Variants in PDXDC1 observed in about 807,000 individuals in gnomAD.
The protein encoded by PDXDC1 is pyridoxal dependent decarboxylase domain containing 1, also known as pyridoxal-dependent decarboxylase domain-containing protein 1.
In PDXDC1, 42 loss-of-function variants were observed where a neutral mutation model predicts 100.1. The observed-to-expected ratio is 0.42, with a 90% CI of 0.33 to 0.54. PDXDC1 has a LOEUF of 0.54. PDXDC1 is among the 20% of genes least tolerant of loss of function. The probability of loss-of-function intolerance (pLI) is 0.10; values close to 1 mark genes in which losing one functional copy is unlikely to be tolerated. For synonymous variants in PDXDC1, 260 were observed against 371.7 expected (o/e 0.70, Z 3.46); for missense variants, 636 against 979.2 (o/e 0.65, Z 4.68).
At chr16:15,125,477 G>A (rs563374254) in intron 16 of PDXDC1, 34 of 1,024,146 alleles carry the variant, frequency 3.3e-5, no homozygotes, top group South Asian at 1.1e-4. Flanking sequence ...GCAAGGACAC[G>A]CAGCCCGCAC....
At chr16:14,987,498 AG>A (rs1462746307) in intron 1 of PDXDC1, among the ~76,000 whole-genome samples, 1 of 152,306 alleles carries the variant, frequency 6.6e-6, no homozygotes, top group Non-Finnish European at 1.5e-5. Context: ...AGTAATTATA[AG>A]GATCATAAAT....
At position 15,034,468 on chromosome 16, in the gene PDXDC1, G is replaced by A; in HGVS notation, c.1917G>A (p.Arg639=). The change falls in exon 21 of 23, where the codon CGG becomes CGA. Residue 639 remains arginine (R), a synonymous_variant. Coordinates refer to ENST00000396410, the MANE Select transcript of PDXDC1 (RefSeq NM_015027.4). The stretch of plus-strand genomic sequence containing the variant: ...GTCCTGTCTTGCAGGGGGTGTTGCG[G>A]CAGATCCCTGTAGTGGGCTCCGTGC... ...EERLLEEGVL[R]QIPVVGSVLN... 1 of 1,614,118 alleles carries A rather than the reference G, an allele frequency of 6.2e-7. No homozygotes were observed. Among genetic ancestry groups the A allele is most frequent in the Non-Finnish European group, 8.5e-7 (1 of 1,179,994 alleles).
At chr16:15,020,975 A>AAACAGAC (rs370903249) in intron 12 of PDXDC1, among the ~76,000 whole-genome samples, 1 of 145,840 alleles carries the variant, frequency 6.9e-6, no homozygotes, top group African/African-American at 2.5e-5. Flanking sequence ...GCACCATCTA[A>AAACAGAC]ACACACACAC....
intron 4 of PDXDC1, among the ~76,000 whole-genome samples, chr16:15,003,366 A>G (rs1400437917): frequency 6.6e-6 from 1 of 152,188 alleles, no homozygotes; most frequent in Non-Finnish European, 1.5e-5. Context: ...ACAGGTGCCC[A>G]CCACCAGGCC....
chr16:15,110,079 A>G (rs1456219998), intron 16 of PDXDC1, among the ~76,000 whole-genome samples: 1 of 149,350 alleles, frequency 6.7e-6, no homozygotes, highest in Non-Finnish European at 1.5e-5. Flanking sequence ...GCTTGAACCC[A>G]AAAGACAGTG....
chr16:15,036,460 T>G lies in PDXDC1; in HGVS notation c.*185T>G. On this transcript the variant is annotated 3_prime_UTR_variant, in exon 23 of 23. Coordinates refer to ENST00000396410, the MANE Select transcript of PDXDC1 (RefSeq NM_015027.4). ...AGGGGAGTCAGCTTGTCTAACTTCA[T>G]GTACATGTAGAACCACGTTTGCTGT... The G allele has an allele frequency of 1.9e-6, 1 of 532,310 alleles. No homozygotes were observed. The highest frequency in any genetic ancestry group is 2.2e-5 in the South Asian group (1 of 45,622). 33.0% of individuals were successfully genotyped at this position (532,310 alleles called of 1,614,324 possible). A position where few individuals can be genotyped will look rare whatever the true frequency, so the allele number is the denominator to read the frequency against.
chr16:15,032,009 TCA>T, intron 17 of PDXDC1, 103 bp downstream of exon 17: 2 of 1,029,420 alleles, frequency 1.9e-6, no homozygotes, highest in Non-Finnish European at 2.9e-6. Flanking sequence ...GAACGTGTAG[TCA>T]CAATATGCTT....
At chr16:15,061,970 C>A in intron 16 of PDXDC1, 1 of 1,475,160 alleles carries the variant, frequency 6.8e-7, no homozygotes, top group Non-Finnish European at 9.4e-7. Flanking sequence ...TCAACAATTC[C>A]TTCCTCAGGA....
At chr16:15,142,169 G>C (rs531494063), downstream of PDXDC1, among the ~76,000 whole-genome samples, 3 of 152,272 alleles carry the variant, frequency 2.0e-5, no homozygotes, top group African/African-American at 7.2e-5. Context: ...AATCCATCAA[G>C]AGTGGCTGCT....
chr16:15,114,927 A>AAAAAAT (rs1491304857), intron 16 of PDXDC1, among the ~76,000 whole-genome samples: 1 of 52,440 alleles, frequency 1.9e-5, no homozygotes, highest in Non-Finnish European at 4.7e-5. Flanking sequence ...AAAAAAAAAA[A>AAAAAAT]TTTTTTTTTT....
At chr16:15,049,142 C>G (rs1410229534) in intron 16 of PDXDC1, among the ~76,000 whole-genome samples, 1 of 151,320 alleles carries the variant, frequency 6.6e-6, no homozygotes. Context: ...AATCCACCCA[C>G]CCTGGCCTCC....
intron 16 of PDXDC1, chr16:15,127,718 A>C: frequency 1.3e-6 from 2 of 1,506,208 alleles, no homozygotes; most frequent in South Asian, 2.4e-5. Flanking sequence ...GCCCCGTACC[A>C]CACGGCGTTG....
chr16:15,074,725 T>C (rs2045377126), intron 16 of PDXDC1: 8 of 1,611,266 alleles, frequency 5.0e-6, no homozygotes, highest in East Asian at 2.2e-5. Flanking sequence ...TGATTTACCA[T>C]CTACATAGCA....
At chr16:14,978,600 G>A (rs1171634692) in intron 1 of PDXDC1, among the ~76,000 whole-genome samples, 14 of 152,384 alleles carry the variant, frequency 9.2e-5, no homozygotes, top group African/African-American at 3.4e-4. Flanking sequence ...TCACTATATT[G>A]CCCAGGCTGG....
intron 16 of PDXDC1, chr16:15,061,757 G>C: frequency 6.2e-7 from 1 of 1,612,930 alleles, no homozygotes; most frequent in Non-Finnish European, 8.5e-7. Context: ...GAGGGGACTG[G>C]GTTGCATGTA....
chr16:15,031,408 C>A (rs1597666040), intron 16 of PDXDC1, among the ~76,000 whole-genome samples: 1 of 152,066 alleles, frequency 6.6e-6, no homozygotes, highest in African/African-American at 2.4e-5. Context: ...TCTGTGGTTG[C>A]CTTTTTGTGC....
At chr16:15,135,159 G>C (rs903808620) in intron 16 of PDXDC1, 6 of 835,282 alleles carry the variant, frequency 7.2e-6, no homozygotes, top group African/African-American at 5.0e-5. Flanking sequence ...CGTAGAATTT[G>C]CATCAGAAAC....
intron 1 of PDXDC1, among the ~76,000 whole-genome samples, chr16:14,997,126 C>T (rs1248944984): frequency 2.6e-5 from 4 of 152,272 alleles, no homozygotes; most frequent in South Asian, 2.1e-4. Context: ...TTTGGCCTCA[C>T]CTGGTTCTTC....
At chr16:15,020,588 C>T (rs1305239529) in intron 12 of PDXDC1, among the ~76,000 whole-genome samples, 2 of 152,236 alleles carry the variant, frequency 1.3e-5, no homozygotes, top group African/African-American at 2.4e-5. Flanking sequence ...ACTTGGGAGG[C>T]TGAGGCAGGA....
Sources: gnomAD v4.1 joint callset for allele counts (sites outside exome capture counted in the v4.1 genomes callset) on GRCh38, gnomAD v4.1.1 for gene constraint, MANE v1.5 for transcripts, NCBI Gene and HGNC (gene_info 2026-07-23, HGNC 2026-07-21) for gene names.